Variants in ZSCAN10 observed in about 807,000 individuals in gnomAD.
The protein encoded by ZSCAN10 is zinc finger and SCAN domain-containing protein 10.
Under a neutral mutation model 63.7 loss-of-function variants are expected in ZSCAN10, and 52 were observed. That is an observed-to-expected ratio of 0.82 (90% CI 0.65 to 1.03). The LOEUF (loss-of-function observed/expected upper bound fraction) is 1.03. Among genes scored for constraint, ZSCAN10 ranks in the 50% least tolerant of loss-of-function variants. ZSCAN10 has a pLI of 0.00. For missense variants in ZSCAN10, 1,223 were observed against 1,103.8 expected, an observed-to-expected ratio of 1.11 and a Z score of -1.53; for synonymous variants, 544 against 479.6, an observed-to-expected ratio of 1.13 and a Z score of -1.76.
chr16:3,097,906 G>C, intron 1 of ZSCAN10, among the ~76,000 whole-genome samples: 1 of 151,922 alleles, frequency 6.6e-6, no homozygotes, highest in Non-Finnish European at 1.5e-5. Context: ...GGCCGGATGC[G>C]GTGGCTCATG....
At chr16:3,094,201 A>G (rs1957126787) in intron 1 of ZSCAN10, among the ~76,000 whole-genome samples, 1 of 151,992 alleles carries the variant, frequency 6.6e-6, no homozygotes, top group African/African-American at 2.4e-5. Flanking sequence ...TTTTGTAGAC[A>G]CGAGTTCTCA....
At chr16:3,095,403 G>C (rs1230062688) in intron 1 of ZSCAN10, among the ~76,000 whole-genome samples, 2 of 151,948 alleles carry the variant, frequency 1.3e-5, no homozygotes, top group African/African-American at 4.8e-5. Flanking sequence ...TGTAGTCCCA[G>C]CTACTCGGGA....
intron 1 of ZSCAN10, among the ~76,000 whole-genome samples, chr16:3,096,938 A>G (rs906179754): frequency 7.9e-5 from 12 of 151,632 alleles, no homozygotes; most frequent in African/African-American, 2.9e-4. Flanking sequence ...CAAAAAAAAA[A>G]AAAAAAAAAT....
At chr16:3,093,419 G>A (rs1957112770) in intron 1 of ZSCAN10, 1 of 151,890 alleles carries the variant, frequency 6.6e-6, no homozygotes, top group African/African-American at 2.4e-5. Flanking sequence ...GGGAGGCTGA[G>A]GCATGAGAAT....
chr16:3,092,427 G>A, intron 2 of ZSCAN10, 111 bp from the exon 3 acceptor site: 1 of 1,500,848 alleles, frequency 6.7e-7, no homozygotes, highest in East Asian at 2.3e-5. Context: ...GAGGAGTTAG[G>A]AGGTGAAGAA....
Position 3,089,193 on chromosome 16 carries a change from C to T in ZSCAN10, c.2241G>A (p.Thr747=), listed in dbSNP as rs778572083. 1.9e-6 allele frequency: 3 copies of T among 1,580,336 alleles called. No homozygotes were observed. The highest frequency in any genetic ancestry group is 2.7e-5 in the African/African-American group (2 of 74,192). Residue 747 remains threonine (T), a synonymous_variant, in exon 6 of 6, where the codon ACG becomes ACA. Transcript: ENST00000576985. ...CNLLRHLLVH[T]GARPYSCTQC... ...GCGTGCAGGAGTAGGGCCTGGCGCC[C>T]GTGTGCACCAGCAGGTGTCGCAGCA... is the stretch of plus-strand genomic sequence containing the variant.
Position 3,090,530 on chromosome 16 carries a change from C to T in ZSCAN10, c.904G>A (p.Glu302Lys), listed in dbSNP as rs1957059436. 1.9e-6 allele frequency: 3 copies of T among 1,612,706 alleles called. No individual in the cohort carries two copies. Among genetic ancestry groups the T allele is most frequent in the South Asian group, 1.1e-5 (1 of 91,056 alleles). ...CGTCCGAGCGACTGGGCGCAAGGCTCTCCCGGCACCCCAGGACTATCTGCC... is the reference window on the plus strand; with the variant it reads ...CGTCCGAGCGACTGGGCGCAAGGCTTTCCCGGCACCCCAGGACTATCTGCC... Reference protein sequence around the residue: ...SQADSPGVPGEPCAQSLGRGA... With the variant: ...SQADSPGVPGKPCAQSLGRGA... Residue 302 changes from glutamate (E) to lysine (K), a missense_variant, in exon 6 of 6, where the codon GAG (glutamate) becomes AAG (lysine). Coordinates refer to ENST00000576985, the MANE Select transcript of ZSCAN10 (RefSeq NM_032805.3).
intron 5 of ZSCAN10, among the ~76,000 whole-genome samples, chr16:3,091,323 C>A (rs1957071232): frequency 6.6e-6 from 1 of 151,724 alleles, no homozygotes; most frequent in Non-Finnish European, 1.5e-5. Context: ...GCCAAAAAGT[C>A]AGGTAGGGTC....
chr16:3,089,298 A>T lies in ZSCAN10; in HGVS notation c.2136T>A (p.His712Gln). The T allele has an allele frequency of 6.4e-7, 1 of 1,568,286 alleles. No individual in the cohort carries two copies. The highest frequency in any genetic ancestry group is 8.6e-7 in the Non-Finnish European group (1 of 1,164,402). Residue 712 changes from histidine (H) to glutamine (Q), a missense_variant, in exon 6 of 6, where the codon CAT becomes CAA. Physicochemically the swap from His to Gln is conservative, Grantham distance 24 (BLOSUM62 0). Transcript: ENST00000576985. ...NAHLRRHLAT[H>Q]AEPGQEQAEP... The stretch of plus-strand genomic sequence containing the variant: ...CGGCCTGCTCCTGCCCGGGCTCCGC[A>T]TGGGTAGCCAGGTGCCGCCGCAGAT...
Position 3,092,960 on chromosome 16 carries a change from C to T in ZSCAN10, c.-23G>A, listed in dbSNP as rs184122267. 39 of 1,411,622 alleles carry T rather than the reference C, an allele frequency of 2.8e-5. No homozygotes were observed. The highest frequency in any genetic ancestry group is 3.4e-5 in the Non-Finnish European group (37 of 1,085,944). The allele number at this position is 1,411,622 out of a possible 1,614,324, so 87.4% of individuals were successfully genotyped here. ...CATCCTTCACTGCGGGGATGCCTCC[C>T]TAACGCCAGCCCCGCTCTTGGGTCT... On this transcript the variant is annotated 5_prime_UTR_variant, in exon 2 of 6. Transcript: ENST00000576985.
At chr16:3,093,514 CAAA>C (rs544794714) in intron 1 of ZSCAN10, among the ~76,000 whole-genome samples, 19 of 90,342 alleles carry the variant, frequency 2.1e-4, no homozygotes, top group Admixed American at 3.6e-4. Flanking sequence ...AGACTCAGAT[CAAA>C]AAAAAAAAAA....
rs773169184 is a variant in ZSCAN10 at position 3,090,522 on chromosome 16, G to A, written c.912C>T (p.Cys304=). ...ADSPGVPGEP[C]AQSLGRGAAA... is the part of the protein sequence containing the mutation. ...CAGCGCCCCGTCCGAGCGACTGGGC[G>A]CAAGGCTCTCCCGGCACCCCAGGAC... The change falls in exon 6 of 6, where the codon TGC becomes TGT. Residue 304 remains cysteine (C), a synonymous_variant. Transcript: ENST00000576985. 6 of 1,612,788 alleles carry A rather than the reference G, an allele frequency of 3.7e-6. No individual in the cohort carries two copies. Among genetic ancestry groups the A allele is most frequent in the Admixed American group, 1.7e-5 (1 of 59,984 alleles).
chr16:3,090,094 A>G lies in ZSCAN10; in HGVS notation c.1340T>C (p.Leu447Pro). 1 of 1,603,648 alleles carries G rather than the reference A, an allele frequency of 6.2e-7. No individual in the cohort carries two copies. Among genetic ancestry groups the G allele is most frequent in the Non-Finnish European group, 8.5e-7 (1 of 1,178,408 alleles). ...GGCGTGCGCCAGCAGGTGCTGCACA[A>G]GGCTGGCGCGGCGCTGGAAGCCGCG... ...CGRGFQRRAS[L>P]VQHLLAHAQD... The change falls in exon 6 of 6, where the codon CTT (leucine) becomes CCT (proline). Residue 447 changes from leucine (L) to proline (P), a missense_variant. Coordinates refer to ENST00000576985, the MANE Select transcript of ZSCAN10 (RefSeq NM_032805.3).
intron 1 of ZSCAN10, among the ~76,000 whole-genome samples, chr16:3,093,813 T>A (rs767997312): frequency 2.7e-5 from 4 of 150,846 alleles, no homozygotes; most frequent in Non-Finnish European, 5.9e-5. Flanking sequence ...GGGTTTACAG[T>A]AGCTGGGATT....
chr16:3,091,911 T>C, intron 3 of ZSCAN10, 83 bp from the exon 4 acceptor site: 2 of 1,597,486 alleles, frequency 1.3e-6, no homozygotes, highest in South Asian at 2.2e-5. Flanking sequence ...ACACACCGCA[T>C]CATCCGGGCC....
At position 3,089,749 on chromosome 16, in the gene ZSCAN10, C is replaced by T; in HGVS notation, c.1685G>A (p.Ser562Asn). The T allele has an allele frequency of 3.7e-6, 6 of 1,600,600 alleles. No individual in the cohort carries two copies. Among genetic ancestry groups the T allele is most frequent in the Non-Finnish European group, 5.1e-6 (6 of 1,178,826 alleles). ...CQACGRSFTQ[S>N]SQLVSHQRVH... is the part of the protein sequence containing the mutation. ...CCGTTGGTGGCTGACCAGCTGCGAG[C>T]TCTGCGTGAAGCTGCGGCCGCAAGC... The change falls in exon 6 of 6, where the codon AGC (serine) becomes AAC (asparagine). Residue 562 changes from serine to asparagine, a missense_variant. Transcript: ENST00000576985.
At chr16:3,090,816 G>A (rs1259138413) in intron 5 of ZSCAN10, among the ~76,000 whole-genome samples, 170 bp from the exon 6 acceptor site, 3 of 151,198 alleles carry the variant, frequency 2.0e-5, no homozygotes, top group African/African-American at 4.9e-5. Context: ...TTGGGAGCCC[G>A]AGGCGGGCGG....
At chr16:3,093,992 T>A (rs963841962) in intron 1 of ZSCAN10, among the ~76,000 whole-genome samples, 4 of 152,264 alleles carry the variant, frequency 2.6e-5, no homozygotes, top group South Asian at 2.1e-4. Flanking sequence ...GCCTGTTTTT[T>A]AAATTTTTAA....
chr16:3,096,242 G>C (rs1272902913), intron 1 of ZSCAN10, among the ~76,000 whole-genome samples: 1 of 152,174 alleles, frequency 6.6e-6, no homozygotes, highest in East Asian at 1.9e-4. Flanking sequence ...TCATATTTTT[G>C]TTTGAGTCTC....
Sources: allele counts gnomAD v4.1 joint callset (sites outside exome capture counted in the v4.1 genomes callset), GRCh38; gene constraint gnomAD v4.1.1; transcripts MANE v1.5; gene names NCBI Gene and HGNC (gene_info 2026-07-23, HGNC 2026-07-21).